Variants in LPIN1 observed in about 807,000 individuals in gnomAD.
The protein encoded by LPIN1 is phosphatidate phosphatase LPIN1.
LPIN1 carries 71 observed loss-of-function variants against 107.5 expected under a neutral mutation model. The observed-to-expected ratio is 0.66, with a 90% confidence interval of 0.55 to 0.80. The LOEUF is 0.80. LPIN1 is among the 30% of genes least tolerant of loss of function. The pLI, the probability that LPIN1 is intolerant of heterozygous loss-of-function variation, is 0.00. For synonymous variants in LPIN1, 445 were observed against 452.6 expected (o/e 0.98, Z 0.21); for missense variants, 1,043 against 1,160.6 (o/e 0.90, Z 1.47).
chr2:11,712,161 T>C (rs1183133909), intron 1 of LPIN1, among the ~76,000 whole-genome samples: 1 of 152,210 alleles, frequency 6.6e-6, no homozygotes, highest in East Asian at 1.9e-4. Context: ...TTATGCCCAC[T>C]GCATGTGCTC....
chr2:11,808,360 A>T (rs1679074074), intron 17 of LPIN1, among the ~76,000 whole-genome samples: 1 of 152,196 alleles, frequency 6.6e-6, no homozygotes, highest in Non-Finnish European at 1.5e-5. Context: ...CTGTCAGGCT[A>T]AGAATTGACC....
upstream of LPIN1, among the ~76,000 whole-genome samples, chr2:11,720,399 C>T (rs1664043239): frequency 1.3e-5 from 2 of 152,066 alleles, no homozygotes; most frequent in African/African-American, 2.4e-5. Flanking sequence ...CATCTGTCTG[C>T]TGGGAAGTAA....
chr2:11,763,654 G>A (rs1377828456), intron 1 of LPIN1, among the ~76,000 whole-genome samples: 2 of 151,932 alleles, frequency 1.3e-5, no homozygotes, highest in African/African-American at 2.4e-5. Flanking sequence ...GTGTCATTTT[G>A]TTCCAGAATC....
chr2:11,746,787 C>T (rs912562453), intron 1 of LPIN1, 116 bp downstream of exon 1: 6 of 418,084 alleles, frequency 1.4e-5, no homozygotes, highest in African/African-American at 2.2e-5. Context: ...GGGGGCTCGG[C>T]CCCGGGGCCC....
At chr2:11,779,667 C>T in intron 7 of LPIN1, 22 bp downstream of exon 7, 3 of 1,613,222 alleles carry the variant, frequency 1.9e-6, no homozygotes, top group Admixed American at 1.7e-5. Context: ...TTCAATTCTG[C>T]CACGGACCGA....
chr2:11,749,404 G>A lies in LPIN1; in HGVS notation c.-10+2733G>A, dbSNP rs565584814. 1.2e-4 allele frequency among the ~76,000 whole-genome samples: 19 copies of A among 152,264 alleles called. No individual in the cohort carries two copies. The South Asian group carries it at 3.9e-3, about 32-fold the overall frequency. On this transcript the variant is annotated intron_variant, in intron 1 of 20. Transcript: ENST00000674199. The stretch of plus-strand genomic sequence containing the variant: ...GCCACACTGGGCCCTGGGGCTGCTG[G>A]GGTCCGAAGCAAGTGCCCTGACCTC...
chr2:11,685,529 G>T (rs1661960922), intron 1 of LPIN1, among the ~76,000 whole-genome samples: 1 of 152,218 alleles, frequency 6.6e-6, no homozygotes. Context: ...GAATTTTATT[G>T]TGCCTCAGTT....
rs117369152 is a variant in LPIN1 at position 11,713,899 on chromosome 2, G to A, written c.138+87G>A. ...ACTCCATGTCCAGCTGTGGTTTGTC[G>A]CCATGGCTATCTGCAGTCTCCAAGG... On this transcript the variant is annotated intron_variant, in intron 2 of 21. Transcript: ENST00000449576. The A allele has an allele frequency of 2.4e-3, 2,306 of 951,186 alleles. 39 individuals carry two copies. In the East Asian group the frequency reaches 0.041, roughly 17 times the overall value. 58.9% of individuals were successfully genotyped at this position (951,186 alleles called of 1,614,324 possible). A position where few individuals can be genotyped will look rare whatever the true frequency, so the allele number is the denominator to read the frequency against.
At chr2:11,819,988 A>G (rs1681242431) in intron 19 of LPIN1, among the ~76,000 whole-genome samples, 1 of 152,240 alleles carries the variant, frequency 6.6e-6, no homozygotes, top group Non-Finnish European at 1.5e-5. Flanking sequence ...GTCTCGTATC[A>G]TGAAAGAAGC....
At chr2:11,745,647 CTG>C (rs1198352807), upstream of LPIN1, among the ~76,000 whole-genome samples, 1 of 152,220 alleles carries the variant, frequency 6.6e-6, no homozygotes, top group Non-Finnish European at 1.5e-5. Flanking sequence ...AAGGTGAAGG[CTG>C]CAGTGAACCG....
Position 11,804,453 on chromosome 2 carries a change from G to A in LPIN1, c.2044G>A (p.Asp682Asn), listed in dbSNP as rs566760101. Reference sequence around the variant, plus strand: ...CTTGAAGTTGAAGAATGGCCCCAACGACGTGGTTTTCAGTGTCACCACGCA... The same window carrying A: ...CTTGAAGTTGAAGAATGGCCCCAACAACGTGGTTTTCAGTGTCACCACGCA... The part of the protein sequence containing the change: ...KSLKLKNGPN[D>N]VVFSVTTQYQ... The change falls in exon 16 of 21, where the codon GAC becomes AAC. Residue 682 changes from aspartate (D) to asparagine (N), a missense_variant. Physicochemically the swap from Asp to Asn is conservative, Grantham distance 23. Transcript: ENST00000674199. 8.1e-6 allele frequency: 13 copies of A among 1,614,208 alleles called. No individual in the cohort carries two copies. The highest frequency in any genetic ancestry group is 2.2e-5 in the South Asian group (2 of 91,082).
In LPIN1 at chr2:11,774,091, G is replaced by A. The variant is rs139002531; in HGVS notation, c.722+346G>A. The stretch of plus-strand genomic sequence containing the variant: ...CCCTAAGTAAAATTCAAAAACAGAC[G>A]TTGCTTCAGGAGCTGCTGAGGTCGT... On this transcript the variant is annotated intron_variant, in intron 5 of 20. Coordinates refer to ENST00000674199, the MANE Select transcript of LPIN1 (RefSeq NM_001349206.2). This position sits in a 1 kb window ranked among gnomAD's most constrained non-coding sequence, Gnocchi z 4.4. Among the ~76,000 whole-genome samples the A allele has an allele frequency of 6.6e-6, 1 of 152,316 alleles. No individual in the cohort carries two copies. Among genetic ancestry groups the A allele is most frequent in the East Asian group, 1.9e-4 (1 of 5,186 alleles).
At position 11,827,094 on chromosome 2, in the gene LPIN1, C is replaced by T. The variant is rs1278321149; in HGVS notation, c.*2303C>T. On this transcript the variant is annotated 3_prime_UTR_variant, in exon 21 of 21. Coordinates refer to ENST00000674199, the MANE Select transcript of LPIN1 (RefSeq NM_001349206.2). This position sits in a 1 kb window ranked among gnomAD's most constrained non-coding sequence, Gnocchi z 4.1. Reference sequence around the variant, plus strand: ...ATTTGGACCACACATTTCAAAGTTGCCCTATGGAAATGAATCCTACTTAGT... The same window carrying T: ...ATTTGGACCACACATTTCAAAGTTGTCCTATGGAAATGAATCCTACTTAGT... The T allele has an allele frequency of 1.3e-5, 2 of 152,568 alleles. No homozygotes were observed. Among genetic ancestry groups the T allele is most frequent in the African/African-American group, 4.8e-5 (2 of 41,416 alleles). The allele number at this position is 152,568 out of a possible 1,614,324, so 9.5% of individuals were successfully genotyped here.
chr2:11,808,885 AAGAG>A (rs1223146072), intron 17 of LPIN1, among the ~76,000 whole-genome samples: 184 of 118,420 alleles, frequency 1.6e-3, no homozygotes, highest in Non-Finnish European at 3.3e-3. Flanking sequence ...AAAAAAAAAA[AAGAG>A]AGAGCGAGAG....
At chr2:11,751,668 T>C (rs1667809361) in intron 1 of LPIN1, among the ~76,000 whole-genome samples, 1 of 152,158 alleles carries the variant, frequency 6.6e-6, no homozygotes, top group Admixed American at 6.5e-5. Context: ...CTGGCTAACA[T>C]GGTGAAACCC....
At chr2:11,802,824 A>C (rs1677995020) in intron 14 of LPIN1, 83 bp from the exon 15 acceptor site, 1 of 1,511,276 alleles carries the variant, frequency 6.6e-7, no homozygotes, top group Non-Finnish European at 9.1e-7. Flanking sequence ...GGATTGACTT[A>C]GTCATTGATT....
At chr2:11,725,275 A>AAAC (rs1664517950) in intron 1 of LPIN1, among the ~76,000 whole-genome samples, 1 of 151,888 alleles carries the variant, frequency 6.6e-6, no homozygotes, top group African/African-American at 2.4e-5. Flanking sequence ...ACAAAAACAA[A>AAAC]AACAAAAACA....
In LPIN1 at chr2:11,784,858, C is replaced by T. The variant is rs371005445; in HGVS notation, c.1359-28C>T. 51 of 1,611,442 alleles carry T rather than the reference C, an allele frequency of 3.2e-5. No homozygotes were observed. The African/African-American group carries it at 6.5e-4, about 21-fold the overall frequency. ...ACCCTGAACTGGGACAGTCCTCAGC[C>T]GGTCTCTGCCGCTTTTCCTCCTTCC... is the stretch of plus-strand genomic sequence containing the variant. On this transcript the variant is annotated intron_variant, in intron 9 of 20. Transcript: ENST00000674199.
chr2:11,762,106 T>C (rs570437858), intron 1 of LPIN1, among the ~76,000 whole-genome samples: 3 of 152,182 alleles, frequency 2.0e-5, no homozygotes, highest in Middle Eastern at 3.4e-3. Context: ...CATGACCCCC[T>C]CCTCGCGTTC....
Sources: gnomAD v4.1 joint callset for allele counts (sites outside exome capture counted in the v4.1 genomes callset) on GRCh38, gnomAD v4.1.1 for gene constraint, Gnocchi (gnomAD v3.1) non-coding constraint, MANE v1.5 for transcripts, NCBI Gene and HGNC (gene_info 2026-07-23, HGNC 2026-07-21) for gene names.